Variants in SLC6A11 observed in about 807,000 individuals in gnomAD.
SLC6A11 encodes solute carrier family 6 member 11, also known as sodium- and chloride-dependent GABA transporter 3.
SLC6A11 carries 25 observed loss-of-function variants against 74.8 expected under a neutral mutation model. The ratio of observed to expected loss-of-function variants is 0.33; its 90% confidence interval spans 0.24 to 0.47. The LOEUF (loss-of-function observed/expected upper bound fraction) is 0.47. Among genes scored for constraint, SLC6A11 ranks in the 20% least tolerant of loss-of-function variants. The probability of loss-of-function intolerance (pLI) is 1.00; values close to 1 mark genes in which losing one functional copy is unlikely to be tolerated. For missense variants in SLC6A11, 574 were observed against 837.0 expected (o/e 0.69, Z 3.88); for synonymous variants, 330 against 330.2 (o/e 1.00, Z 0.01).
At chr3:10,902,174 C>T (rs1695249180) in intron 6 of SLC6A11, among the ~76,000 whole-genome samples, 1 of 152,134 alleles carries the variant, frequency 6.6e-6, no homozygotes, top group Non-Finnish European at 1.5e-5. Context: ...CCAGGAGGGC[C>T]CCAAGCTCTG....
intron 6 of SLC6A11, among the ~76,000 whole-genome samples, chr3:10,878,988 G>A (rs1348592847): frequency 6.6e-6 from 1 of 152,216 alleles, no homozygotes. Context: ...GCCACTGGCT[G>A]AGAAGGCAGC....
intron 4 of SLC6A11, among the ~76,000 whole-genome samples, chr3:10,836,726 A>G (rs1201489947): frequency 6.6e-6 from 1 of 152,212 alleles, no homozygotes; most frequent in East Asian, 1.9e-4. Context: ...AGGGTTCAGT[A>G]TTTTCTCAAA....
At position 10,940,150 on chromosome 3, in the gene SLC6A11, C is replaced by G. The variant is rs932641943; in HGVS notation, c.*1748C>G. 7 of 152,316 alleles carry G rather than the reference C, an allele frequency of 4.6e-5. No individual in the cohort carries two copies. Among genetic ancestry groups the G allele is most frequent in the African/African-American group, 1.7e-4 (7 of 41,470 alleles). 9.4% of individuals were successfully genotyped at this position (152,316 alleles called of 1,614,324 possible). The stretch of plus-strand genomic sequence containing the variant: ...CAGGACGGGAAGCCTAGCCTGGGCC[C>G]CCTCTGTGCACACAGTTCAGGCCTG... On this transcript the variant is annotated 3_prime_UTR_variant, in exon 14 of 14. Coordinates refer to ENST00000254488, the MANE Select transcript of SLC6A11 (RefSeq NM_014229.3).
chr3:10,868,254 G>A (rs1694788760), intron 5 of SLC6A11, among the ~76,000 whole-genome samples: 1 of 152,116 alleles, frequency 6.6e-6, no homozygotes, highest in Non-Finnish European at 1.5e-5. Flanking sequence ...TTTTTTGGAT[G>A]CCTTTTGAAC....
At chr3:10,842,200 CA>C (rs1559557266) in intron 4 of SLC6A11, among the ~76,000 whole-genome samples, 1 of 152,196 alleles carries the variant, frequency 6.6e-6, no homozygotes, top group Non-Finnish European at 1.5e-5. Flanking sequence ...CTTCCTCCCT[CA>C]AACCCCTCTC....
chr3:10,843,506 A>C (rs938821235), intron 4 of SLC6A11, among the ~76,000 whole-genome samples: 2 of 152,066 alleles, frequency 1.3e-5, no homozygotes. Context: ...TCACAATTTG[A>C]CTCACATATC....
At position 10,820,399 on chromosome 3, in the gene SLC6A11, C is replaced by T. The variant is rs529568329; in HGVS notation, c.532+547C>T. Among the ~76,000 whole-genome samples, 13 of 152,308 alleles carry T rather than the reference C, an allele frequency of 8.5e-5. No homozygotes were observed. The South Asian group carries it at 2.5e-3, about 29-fold the overall frequency. On this transcript the variant is annotated intron_variant, in intron 3 of 13. Coordinates refer to ENST00000254488, the MANE Select transcript of SLC6A11 (RefSeq NM_014229.3). ...TTCCAGCCTATCTTAAAAACTTAAA[C>T]GATCTGGTGACACCAGACCCACCTT... is the stretch of plus-strand genomic sequence containing the variant.
chr3:10,879,139 G>T (rs1301589557), intron 6 of SLC6A11, among the ~76,000 whole-genome samples: 1 of 152,088 alleles, frequency 6.6e-6, no homozygotes, highest in Non-Finnish European at 1.5e-5. Context: ...TCACAAGAAG[G>T]TTCTCTTTAA....
rs796960855 is a variant in SLC6A11 at position 10,873,689 on chromosome 3, C to CATCCTATCCTATCCTATCCTATCCT, written c.757-1252_757-1228dup. Reference sequence around the variant, plus strand: ...TATCCTATCCTATCCTATCCCGTCCCATCCTATCCTATCCTATCCTATCCT... The same window carrying CATCCTATCCTATCCTATCCTATCCT: ...TATCCTATCCTATCCTATCCCGTCCCATCCTATCCTATCCTATCCTATCCTATCCTATCCTATCCTATCCTATCCT... On this transcript the variant is annotated intron_variant, in intron 5 of 13. Transcript: ENST00000254488. Among the ~76,000 whole-genome samples, 573 of 134,724 alleles carry CATCCTATCCTATCCTATCCTATCCT rather than the reference C, an allele frequency of 4.3e-3. 7 individuals carry two copies. The highest frequency in any genetic ancestry group is 0.015 in the African/African-American group (533 of 35,166). The allele number at this position is 134,724 out of a possible 152,430, so 88.4% of individuals were successfully genotyped here.
intron 6 of SLC6A11, among the ~76,000 whole-genome samples, chr3:10,878,008 A>G (rs1044027054): frequency 6.6e-6 from 1 of 152,186 alleles, no homozygotes; most frequent in Admixed American, 6.5e-5. Context: ...ACCATCTCCC[A>G]CTGGAAAACT....
intron 5 of SLC6A11, among the ~76,000 whole-genome samples, chr3:10,852,874 G>A (rs552585318): frequency 2.0e-5 from 3 of 152,176 alleles, no homozygotes; most frequent in African/African-American, 4.8e-5. Context: ...TATGGGGAAC[G>A]GTAAAAGAAT....
intron 6 of SLC6A11, among the ~76,000 whole-genome samples, chr3:10,875,710 G>A (rs970534300): frequency 7.2e-5 from 11 of 152,198 alleles, no homozygotes; most frequent in African/African-American, 2.4e-4. Flanking sequence ...TGGTTGTTCT[G>A]AATGGTGGGC....
chr3:10,844,353 G>A lies in SLC6A11; in HGVS notation c.756+7G>A, dbSNP rs1337916581. On this transcript the variant is annotated splice_region_variant and intron_variant, in intron 5 of 13. Coordinates refer to ENST00000254488, the MANE Select transcript of SLC6A11 (RefSeq NM_014229.3). Reference sequence around the variant, plus strand: ...GACCAAGTCTACAGGAAAGGTAAGAGGTCGATCTTCAAGCAGCTAACCGTG... The same window carrying A: ...GACCAAGTCTACAGGAAAGGTAAGAAGTCGATCTTCAAGCAGCTAACCGTG... 1 of 1,614,184 alleles carries A rather than the reference G, an allele frequency of 6.2e-7. No homozygotes were observed. Among genetic ancestry groups the A allele is most frequent in the Non-Finnish European group, 8.5e-7 (1 of 1,180,018 alleles).
chr3:10,856,104 A>G (rs1192398688), intron 5 of SLC6A11, among the ~76,000 whole-genome samples: 1 of 152,238 alleles, frequency 6.6e-6, no homozygotes, highest in Non-Finnish European at 1.5e-5. Flanking sequence ...ATTTCGTGGC[A>G]GTCACTCAAC....
At chr3:10,902,067 T>C (rs554235237) in intron 6 of SLC6A11, among the ~76,000 whole-genome samples, 1 of 144,264 alleles carries the variant, frequency 6.9e-6, no homozygotes, top group South Asian at 2.2e-4. Context: ...TGTGTGCGTG[T>C]GTCTGTGTGT....
intron 4 of SLC6A11, 24 bp downstream of exon 4, chr3:10,823,416 C>T (rs377391042): frequency 1.3e-5 from 20 of 1,519,938 alleles, no homozygotes; most frequent in Non-Finnish European, 1.8e-5. Context: ...AACTTGTCTC[C>T]CTTGGCCTGT....
At chr3:10,838,345 G>T (rs1243551001) in intron 4 of SLC6A11, among the ~76,000 whole-genome samples, 2 of 152,190 alleles carry the variant, frequency 1.3e-5, no homozygotes, top group Non-Finnish European at 1.5e-5. Flanking sequence ...ACTGTCCTTC[G>T]ACCATCAGGC....
chr3:10,910,271 T>C (rs567068715), intron 6 of SLC6A11, among the ~76,000 whole-genome samples: 8 of 152,318 alleles, frequency 5.3e-5, no homozygotes, highest in African/African-American at 1.2e-4. Flanking sequence ...AGACCCACGA[T>C]AGAATGACTT....
intron 5 of SLC6A11, among the ~76,000 whole-genome samples, chr3:10,865,302 G>A (rs533418354): frequency 6.6e-6 from 1 of 152,344 alleles, no homozygotes; most frequent in East Asian, 1.9e-4. Context: ...TGCGCCTTGT[G>A]CTTGGTGATG....
Sources: allele counts gnomAD v4.1 joint callset (sites outside exome capture counted in the v4.1 genomes callset), GRCh38; gene constraint gnomAD v4.1.1; transcripts MANE v1.5; gene names NCBI Gene and HGNC (gene_info 2026-07-23, HGNC 2026-07-21).